Variants in PPP1R9A observed in about 807,000 individuals in gnomAD.
PPP1R9A encodes the protein protein phosphatase 1 regulatory subunit 9A, also known as neurabin-1.
A neutral mutation model predicts 141.9 loss-of-function variants in PPP1R9A; 59 were observed. The observed-to-expected ratio is 0.42, with a 90% confidence interval of 0.34 to 0.52. The LOEUF (loss-of-function observed/expected upper bound fraction) is 0.52. PPP1R9A is among the 20% of genes least tolerant of loss of function. The probability of loss-of-function intolerance (pLI) is 0.10; values close to 1 mark genes in which losing one functional copy is unlikely to be tolerated. For missense variants in PPP1R9A, 1,444 were observed against 1,611.9 expected, an observed-to-expected ratio of 0.90 and a Z score of 1.78; for synonymous variants, 500 against 569.7, an observed-to-expected ratio of 0.88 and a Z score of 1.74.
At position 95,120,729 on chromosome 7, in the gene PPP1R9A, A is replaced by G. The variant is rs202226217; in HGVS notation, c.1546A>G (p.Ile516Val). The change falls in exon 4 of 20, where the codon ATA (isoleucine) becomes GTA (valine). Residue 516 changes from isoleucine to valine, a missense_variant. Coordinates refer to ENST00000433360, the MANE Select transcript of PPP1R9A (RefSeq NM_001166160.2). Reference protein sequence around the residue: ...ELEKDEDGLGISIIGMGVGAD... With the variant: ...ELEKDEDGLGVSIIGMGVGAD... ...TTTAATAGATGAGGATGGTCTTGGT[A>G]TAAGTATTATTGGAATGGGTGTTGG... 2.5e-6 allele frequency: 4 copies of G among 1,613,500 alleles called. No individual in the cohort carries two copies. Among genetic ancestry groups the G allele is most frequent in the Middle Eastern group, 1.7e-4 (1 of 6,058 alleles).
rs1271857569 is a variant in PPP1R9A, at chr7:95,161,901, G to A, written c.1684G>A (p.Gly562Arg). 6 of 1,610,600 alleles carry A rather than the reference G, an allele frequency of 3.7e-6. No individual in the cohort carries two copies. Among genetic ancestry groups the A allele is most frequent in the Admixed American group, 1.7e-5 (1 of 59,624 alleles). The change falls in exon 5 of 20, where the codon GGA becomes AGA. Residue 562 changes from glycine to arginine, a missense_variant. This residue lies in a region of PPP1R9A where 488 missense variants were observed against 542.0 expected (regional missense o/e 0.90). Coordinates refer to ENST00000433360, the MANE Select transcript of PPP1R9A (RefSeq NM_001166160.2). ...CAATGACCAGATTGTGGAAGTGGATGGAATCAGCTTGGTGGGTGTGACACA... is the reference window on the plus strand; with the variant it reads ...CAATGACCAGATTGTGGAAGTGGATAGAATCAGCTTGGTGGGTGTGACACA... ...QVNDQIVEVD[G>R]ISLVGVTQNF...
chr7:95,082,057 A>G (rs1434880555), intron 2 of PPP1R9A, among the ~76,000 whole-genome samples: 1 of 152,172 alleles, frequency 6.6e-6, no homozygotes, highest in Non-Finnish European at 1.5e-5. Flanking sequence ...GATTGTCTGG[A>G]TAACCCCACT....
chr7:95,032,360 C>CT (rs536682631), intron 2 of PPP1R9A, among the ~76,000 whole-genome samples: 162 of 147,436 alleles, frequency 1.1e-3, no homozygotes, highest in South Asian at 5.4e-3. Flanking sequence ...AAGACATAAT[C>CT]TTTTTTTTTT....
At chr7:95,193,166 C>T (rs915476571) in intron 5 of PPP1R9A, among the ~76,000 whole-genome samples, 1 of 152,208 alleles carries the variant, frequency 6.6e-6, no homozygotes, top group African/African-American at 2.4e-5. Flanking sequence ...ATCAGGATGA[C>T]ATTCTATTAT....
At chr7:94,975,770 G>T (rs894793556) in intron 2 of PPP1R9A, among the ~76,000 whole-genome samples, 4 of 152,062 alleles carry the variant, frequency 2.6e-5, no homozygotes, top group Non-Finnish European at 4.4e-5. Flanking sequence ...AAAGAAATAG[G>T]TTATCTTTGC....
intron 2 of PPP1R9A, among the ~76,000 whole-genome samples, chr7:95,083,840 C>CT (rs926721999): frequency 1.3e-5 from 2 of 151,918 alleles, no homozygotes; most frequent in African/African-American, 2.4e-5. Flanking sequence ...GGTGAAAACA[C>CT]TAAGTTCACA....
chr7:94,990,942 C>T (rs968385702), intron 2 of PPP1R9A, among the ~76,000 whole-genome samples: 2 of 152,014 alleles, frequency 1.3e-5, no homozygotes, highest in African/African-American at 2.4e-5. Flanking sequence ...TTTTCTTTAT[C>T]TCTGTTGTCG....
chr7:94,964,586 T>G (rs1584419771), intron 2 of PPP1R9A, among the ~76,000 whole-genome samples: 1 of 152,124 alleles, frequency 6.6e-6, no homozygotes, highest in East Asian at 1.9e-4. Flanking sequence ...ACATGTGGTG[T>G]TTGGTTTTCT....
intron 8 of PPP1R9A, among the ~76,000 whole-genome samples, chr7:95,237,572 G>A (rs1044213960): frequency 9.2e-5 from 14 of 151,796 alleles, no homozygotes; most frequent in Admixed American, 9.2e-4. Flanking sequence ...CTTATATTTT[G>A]TCTATTTGAT....
In PPP1R9A at chr7:94,981,272, C is replaced by T. The variant is rs764773569; in HGVS notation, c.1395+69764C>T. Among the ~76,000 whole-genome samples, 22 of 152,146 alleles carry T rather than the reference C, an allele frequency of 1.4e-4. 1 individual carries two copies. The highest frequency in any genetic ancestry group is 1.4e-3 in the Admixed American group (21 of 15,280). Reference sequence around the variant, plus strand: ...TTTTTGAGACACAGTCTCACTCTGTCGCCCAGGCTGTAGTGCAGTGGCAAG... The same window carrying T: ...TTTTTGAGACACAGTCTCACTCTGTTGCCCAGGCTGTAGTGCAGTGGCAAG... On this transcript the variant is annotated intron_variant, in intron 2 of 19. Coordinates refer to ENST00000433360, the MANE Select transcript of PPP1R9A (RefSeq NM_001166160.2).
In PPP1R9A at chr7:95,287,756, GTTCACTGCAACC is replaced by G. The variant is rs1302377726; in HGVS notation, c.3730-778_3730-767del. Among the ~76,000 whole-genome samples the G allele has an allele frequency of 6.6e-5, 10 of 152,062 alleles. No homozygotes were observed. The East Asian group carries it at 1.5e-3, about 23-fold the overall frequency. On this transcript the variant is annotated intron_variant, in intron 18 of 19. Coordinates refer to ENST00000433360, the MANE Select transcript of PPP1R9A (RefSeq NM_001166160.2). The stretch of plus-strand genomic sequence containing the variant: ...GCTGGAGTGCAGTGGCACAATCTTG[GTTCACTGCAACC>G]TCCACCTCCTGGATTCAAGCGATTC...
chr7:95,197,217 A>G (rs1198069477), intron 5 of PPP1R9A, among the ~76,000 whole-genome samples: 1 of 152,180 alleles, frequency 6.6e-6, no homozygotes, highest in African/African-American at 2.4e-5. Context: ...ACAAAGATTC[A>G]TATTAAAATA....
intron 4 of PPP1R9A, among the ~76,000 whole-genome samples, chr7:95,137,526 T>G (rs1027803550): frequency 1.3e-5 from 2 of 151,228 alleles, no homozygotes; most frequent in Admixed American, 6.6e-5. Flanking sequence ...CCTGTTGAAA[T>G]GAAATTAAGG....
chr7:95,082,730 T>G (rs1325727387), intron 2 of PPP1R9A, among the ~76,000 whole-genome samples: 1 of 150,496 alleles, frequency 6.6e-6, no homozygotes, highest in African/African-American at 2.5e-5. Flanking sequence ...ATCCTGTCTC[T>G]TAAAAAAGAA....
intron 18 of PPP1R9A, among the ~76,000 whole-genome samples, chr7:95,286,795 T>C (rs1177963104): frequency 6.6e-6 from 1 of 152,108 alleles, no homozygotes; most frequent in East Asian, 1.9e-4. Context: ...AAATTAGTAT[T>C]GCTACAAATT....
intron 2 of PPP1R9A, among the ~76,000 whole-genome samples, chr7:95,009,811 G>T (rs777840098): frequency 8.5e-5 from 13 of 152,188 alleles, no homozygotes; most frequent in Non-Finnish European, 1.6e-4. Context: ...AGCATATCCA[G>T]CCAGGTAAAG....
chr7:95,011,885 A>C (rs1804469278), intron 2 of PPP1R9A, among the ~76,000 whole-genome samples: 1 of 152,202 alleles, frequency 6.6e-6, no homozygotes, highest in Non-Finnish European at 1.5e-5. Flanking sequence ...GTGCTATGTC[A>C]TGGCAAATAA....
rs200790635 is a variant in PPP1R9A at position 94,978,574 on chromosome 7, C to CT, written c.1395+67074dup. ...TCTCGACACTTTTTTCTATCTTGAT[C>CT]TTTTTTTTGTGGGCTGCATTCATTT... On this transcript the variant is annotated intron_variant, in intron 2 of 19. Transcript: ENST00000433360. Among the ~76,000 whole-genome samples the CT allele has an allele frequency of 1.5e-3, 230 of 152,024 alleles. 4 individuals carry two copies. Among genetic ancestry groups the CT allele is most frequent in the Admixed American group, 0.011 (164 of 15,250 alleles).
In PPP1R9A at chr7:95,152,082, G is replaced by A. The variant is rs61340536; in HGVS notation, c.1650-9785G>A. Among the ~76,000 whole-genome samples the A allele has an allele frequency of 6.0e-5, 9 of 149,724 alleles. 1 individual carries two copies. In the East Asian group the frequency reaches 1.8e-3, roughly 30 times the overall value. ...TTCTCCTGCCTCACCTTCCTGAGTAGCTGGGACTACAGGTGCGTGCCACCA... is the reference window on the plus strand; with the variant it reads ...TTCTCCTGCCTCACCTTCCTGAGTAACTGGGACTACAGGTGCGTGCCACCA... On this transcript the variant is annotated intron_variant, in intron 4 of 19. Transcript: ENST00000433360.
Sources: gnomAD v4.1 joint callset for allele counts (sites outside exome capture counted in the v4.1 genomes callset) on GRCh38, gnomAD v4.1.1 for gene constraint, gnomAD v4.1.1 regional missense constraint, MANE v1.5 for transcripts, NCBI Gene and HGNC (gene_info 2026-07-23, HGNC 2026-07-21) for gene names.